ENTREP2: variants seen among roughly 807,000 people sequenced by gnomAD.
The protein encoded by ENTREP2 is endosomal transmembrane epsin interactor 2.
the ENTREP2 span, among the ~76,000 whole-genome samples, chr15:29,407,810 C>T: frequency 6.6e-6 from 1 of 152,056 alleles, no homozygotes; most frequent in Middle Eastern, 3.4e-3. Context: ...GGACTACAGG[C>T]ACCCACCAGC....
At chr15:29,461,430 T>C in the ENTREP2 span, among the ~76,000 whole-genome samples, 1 of 152,328 alleles carries the variant, frequency 6.6e-6, no homozygotes, top group African/African-American at 2.4e-5. Context: ...TGTTGATTTT[T>C]ATTATGATAA....
the ENTREP2 span, among the ~76,000 whole-genome samples, chr15:29,220,728 G>C: frequency 2.0e-5 from 3 of 151,412 alleles, no homozygotes; most frequent in African/African-American, 7.3e-5. Flanking sequence ...AAAACATTTA[G>C]GAAAAAGTTA....
chr15:29,138,675 C>CTGTGTGTA, the ENTREP2 span, among the ~76,000 whole-genome samples: 2 of 144,950 alleles, frequency 1.4e-5, no homozygotes, highest in Non-Finnish European at 3.0e-5. Context: ...GTGTGTGTCT[C>CTGTGTGTA]TGTGTGTATG....
chr15:29,664,381 T>G, the ENTREP2 span, among the ~76,000 whole-genome samples: 1 of 152,170 alleles, frequency 6.6e-6, no homozygotes, highest in Non-Finnish European at 1.5e-5. Context: ...GGGCAGTATT[T>G]GAGGCTGGTT....
chr15:29,340,225 A>G, the ENTREP2 span, among the ~76,000 whole-genome samples: 1 of 152,242 alleles, frequency 6.6e-6, no homozygotes, highest in African/African-American at 2.4e-5. Flanking sequence ...CCAATACAAT[A>G]CATATACTGG....
At chr15:29,326,031 A>G in the ENTREP2 span, among the ~76,000 whole-genome samples, 2 of 152,270 alleles carry the variant, frequency 1.3e-5, no homozygotes, top group African/African-American at 4.8e-5. Flanking sequence ...GGCAAAATCT[A>G]ACACTCATTT....
At chr15:29,558,446 A>C in the ENTREP2 span, among the ~76,000 whole-genome samples, 1 of 151,558 alleles carries the variant, frequency 6.6e-6, no homozygotes, top group East Asian at 2.0e-4. Flanking sequence ...ACCCAGGCTC[A>C]GTACATGCCC....
the ENTREP2 span, among the ~76,000 whole-genome samples, chr15:29,649,032 G>T: frequency 6.7e-6 from 1 of 150,280 alleles, no homozygotes; most frequent in African/African-American, 2.5e-5. Flanking sequence ...GCCCTTACCA[G>T]AGCTGATGCC....
chr15:29,549,716 C>A, the ENTREP2 span, among the ~76,000 whole-genome samples: 1 of 152,228 alleles, frequency 6.6e-6, no homozygotes, highest in South Asian at 2.1e-4. Flanking sequence ...GGACTCCTCA[C>A]AGAACCCCTC....
At chr15:29,391,080 C>T in the ENTREP2 span, among the ~76,000 whole-genome samples, 2 of 152,084 alleles carry the variant, frequency 1.3e-5, no homozygotes, top group Non-Finnish European at 2.9e-5. Context: ...CTTCACCCTC[C>T]GTCAATTCTC....
chr15:29,627,327 G>A, the ENTREP2 span, among the ~76,000 whole-genome samples: 15 of 152,136 alleles, frequency 9.9e-5, no homozygotes, highest in African/African-American at 1.7e-4. Context: ...GGTGGATCAC[G>A]AGGTCAAGAC....
the ENTREP2 span, among the ~76,000 whole-genome samples, chr15:29,295,394 C>T: frequency 6.6e-6 from 1 of 152,116 alleles, no homozygotes; most frequent in African/African-American, 2.4e-5. Flanking sequence ...ACAGCCAGGC[C>T]TCTACTGAGT....
At chr15:29,605,647 G>A in the ENTREP2 span, among the ~76,000 whole-genome samples, 1 of 152,042 alleles carries the variant, frequency 6.6e-6, no homozygotes, top group African/African-American at 2.4e-5. Context: ...GACCAGCCTG[G>A]CCAACATGGT....
the ENTREP2 span, chr15:29,136,983 C>A: frequency 7.3e-7 from 1 of 1,376,840 alleles, no homozygotes; most frequent in Non-Finnish European, 9.4e-7. Context: ...CACCCGGACA[C>A]TGCTGCCCAT....
At chr15:29,367,973 G>A in the ENTREP2 span, among the ~76,000 whole-genome samples, 2 of 118,962 alleles carry the variant, frequency 1.7e-5, no homozygotes, top group South Asian at 2.8e-4. Context: ...GAAATATGAA[G>A]ATACAAGAAA....
chr15:29,321,565 C>T, the ENTREP2 span, among the ~76,000 whole-genome samples: 2 of 150,826 alleles, frequency 1.3e-5, no homozygotes, highest in Non-Finnish European at 2.9e-5. Flanking sequence ...AGGAGAATTG[C>T]TTGAACCCAG....
At chr15:29,168,661 T>A in the ENTREP2 span, among the ~76,000 whole-genome samples, 2 of 152,194 alleles carry the variant, frequency 1.3e-5, no homozygotes, top group African/African-American at 4.8e-5. Flanking sequence ...AGCTATAATT[T>A]CAAGAGGCAA....
chr15:29,149,265 G>A, the ENTREP2 span, among the ~76,000 whole-genome samples: 5 of 152,136 alleles, frequency 3.3e-5, no homozygotes, highest in Non-Finnish European at 7.3e-5. Flanking sequence ...CCCTTTCACC[G>A]AACCTTTCCA....
chr15:29,539,319 C>A, the ENTREP2 span, among the ~76,000 whole-genome samples: 1 of 151,862 alleles, frequency 6.6e-6, no homozygotes, highest in African/African-American at 2.4e-5. Flanking sequence ...GTGTGCTCAG[C>A]AACCAGAAGG....
Sources: gnomAD v4.1 joint callset for allele counts (sites outside exome capture counted in the v4.1 genomes callset) on GRCh38, gnomAD v4.1.1 for gene constraint, MANE v1.5 for transcripts, NCBI Gene and HGNC (gene_info 2026-07-23, HGNC 2026-07-21) for gene names.